The following INPP5D variants were observed in gnomAD, a reference collection of about 807,000 sequenced individuals.
INPP5D encodes phosphatidylinositol 3,4,5-trisphosphate 5-phosphatase 1.
A neutral mutation model predicts 122.9 loss-of-function variants in INPP5D; 33 were observed. The ratio of observed to expected loss-of-function variants is 0.27; its 90% confidence interval spans 0.20 to 0.36. The LOEUF is 0.36. INPP5D is among the 10% of genes least tolerant of loss of function. The probability of loss-of-function intolerance (pLI) is 1.00; values close to 1 mark genes in which losing one functional copy is unlikely to be tolerated. For synonymous variants in INPP5D, 584 were observed against 576.2 expected (o/e 1.01, Z -0.19); for missense variants, 1,053 against 1,412.7 (o/e 0.75, Z 4.08).
intron 2 of INPP5D, among the ~76,000 whole-genome samples, chr2:233,106,840 G>A (rs1692480566): frequency 6.6e-6 from 1 of 152,190 alleles, no homozygotes; most frequent in African/African-American, 2.4e-5. Context: ...CCTGCTGATG[G>A]AGAGCATTGT....
chr2:233,129,208 AT>A lies in INPP5D; in HGVS notation c.525-1294del, dbSNP rs547926870. On this transcript the variant is annotated intron_variant, in intron 4 of 26. Coordinates refer to ENST00000445964, the MANE Select transcript of INPP5D (RefSeq NM_001017915.3). ...AATAAATAAATGAAGGCTTGTAATA[AT>A]TTTTTCCACACAGCTAATTAACATG... Among the ~76,000 whole-genome samples, 235 of 152,212 alleles carry A rather than the reference AT, an allele frequency of 1.5e-3. 1 individual carries two copies. Among genetic ancestry groups the A allele is most frequent in the Non-Finnish European group, 2.7e-3 (184 of 68,020 alleles).
At chr2:233,171,192 C>CTG in intron 17 of INPP5D, 40 bp downstream of exon 17, 1 of 1,607,646 alleles carries the variant, frequency 6.2e-7, no homozygotes, top group Non-Finnish European at 8.5e-7. Context: ...CCCTCCATCT[C>CTG]CTCCCCGCTG....
intron 2 of INPP5D, among the ~76,000 whole-genome samples, chr2:233,107,252 C>G (rs569714898): frequency 7.6e-4 from 116 of 152,234 alleles, no homozygotes; most frequent in African/African-American, 2.6e-3. Context: ...GGCCTGATTC[C>G]ACAAGGAGCT....
rs183700938 is a variant in INPP5D, at chr2:233,125,272, G to C, written c.350-473G>C. On this transcript the variant is annotated intron_variant, in intron 3 of 26. Coordinates refer to ENST00000445964, the MANE Select transcript of INPP5D (RefSeq NM_001017915.3). Reference sequence around the variant, plus strand: ...GGCTGGAGAGAGGGGACCAGGGAGAGAGGGAGAGGGGCAGTGTGGCTAGGC... The same window carrying C: ...GGCTGGAGAGAGGGGACCAGGGAGACAGGGAGAGGGGCAGTGTGGCTAGGC... Among the ~76,000 whole-genome samples, 5 of 152,362 alleles carry C rather than the reference G, an allele frequency of 3.3e-5. No individual in the cohort carries two copies. The East Asian group carries it at 7.7e-4, about 24-fold the overall frequency.
In INPP5D at chr2:233,082,866, T is replaced by C. The variant is rs138700767; in HGVS notation, c.198+3468T>C. 3.2e-3 allele frequency among the ~76,000 whole-genome samples: 486 copies of C among 152,352 alleles called. 6 individuals are homozygous for C. Among genetic ancestry groups the C allele is most frequent in the African/African-American group, 0.011 (451 of 41,578 alleles). On this transcript the variant is annotated intron_variant, in intron 2 of 26. Transcript: ENST00000445964. The surrounding 1 kb of genome is among the most constrained non-coding windows in gnomAD (Gnocchi z 4.7). ...AGCCAGGCCTCCCGGCCTCCCCGGC[T>C]AAGCTTTCTTCCTTCCAATCCAGAA...
chr2:233,163,551 G>A lies in INPP5D; in HGVS notation c.1241-156G>A, dbSNP rs540249336. On this transcript the variant is annotated intron_variant, in intron 11 of 26. Transcript: ENST00000445964. ...AACCGACATCCTGGGTGAGGTTGGC[G>A]CCCAGGCCTCCATTGCAGGCATTTC... Among the ~76,000 whole-genome samples the A allele has an allele frequency of 3.4e-4, 52 of 152,240 alleles. 1 individual carries two copies. The highest frequency in any genetic ancestry group is 1.2e-3 in the African/African-American group (51 of 41,538).
intron 2 of INPP5D, among the ~76,000 whole-genome samples, chr2:233,088,594 G>A (rs1225026306): frequency 6.6e-6 from 1 of 152,224 alleles, no homozygotes; most frequent in African/African-American, 2.4e-5. Context: ...CTTCTCTCCT[G>A]TGGAGATTTT....
At chr2:233,159,830 C>T (rs35349669) in intron 10 of INPP5D, among the ~76,000 whole-genome samples, 53,084 of 152,000 alleles carry the variant, frequency 0.35, 11,522 homozygotes, top group Non-Finnish European at 0.49. Context: ...GTGATAGCTT[C>T]CCACTGAGTG....
intron 17 of INPP5D, among the ~76,000 whole-genome samples, chr2:233,174,904 A>G (rs1397815556): frequency 6.6e-6 from 1 of 152,116 alleles, no homozygotes; most frequent in Admixed American, 6.6e-5. Context: ...TTCAAGAGAA[A>G]TTTGTATATT....
At chr2:233,076,044 C>G (rs958061378) in intron 1 of INPP5D, among the ~76,000 whole-genome samples, 1 of 152,162 alleles carries the variant, frequency 6.6e-6, no homozygotes, top group Non-Finnish European at 1.5e-5. Context: ...AACCAAAAAG[C>G]CTTTCCTGTT....
At chr2:233,182,610 C>A in intron 19 of INPP5D, 111 bp downstream of exon 19, 1 of 1,490,050 alleles carries the variant, frequency 6.7e-7, no homozygotes, top group Middle Eastern at 1.8e-4. Context: ...CTCATTTTCC[C>A]AGGCAAGTCC....
chr2:233,151,564 A>G (rs2106284126), intron 9 of INPP5D, among the ~76,000 whole-genome samples: 1 of 152,068 alleles, frequency 6.6e-6, no homozygotes, highest in African/African-American at 2.4e-5. Context: ...CACACCCTGG[A>G]CTCTGCAGGC....
chr2:233,178,640 G>A (rs905506441), intron 18 of INPP5D, among the ~76,000 whole-genome samples: 8 of 151,934 alleles, frequency 5.3e-5, no homozygotes, highest in East Asian at 3.9e-4. Context: ...GCAGCACCAC[G>A]CCTGGCTAAT....
chr2:233,090,963 A>G (rs1162325820), intron 2 of INPP5D, among the ~76,000 whole-genome samples: 13 of 138,428 alleles, frequency 9.4e-5, no homozygotes, highest in South Asian at 2.2e-4. Flanking sequence ...CGTCTCAAAG[A>G]AAAAAAAAAA....
At chr2:233,069,866 G>A (rs958087031) in intron 1 of INPP5D, among the ~76,000 whole-genome samples, 4 of 152,134 alleles carry the variant, frequency 2.6e-5, no homozygotes, top group Non-Finnish European at 5.9e-5. Flanking sequence ...TTACTAGATC[G>A]AGGGACAGGA....
At chr2:233,101,580 A>G (rs547442842) in intron 2 of INPP5D, among the ~76,000 whole-genome samples, 5 of 146,886 alleles carry the variant, frequency 3.4e-5, no homozygotes, top group Admixed American at 2.7e-4. Context: ...GTCATATAAC[A>G]TTATTAAAAT....
chr2:233,116,248 G>GATAGAT (rs57412586), intron 2 of INPP5D, among the ~76,000 whole-genome samples: 67,183 of 134,928 alleles, frequency 0.5, 19,233 homozygotes, highest in Non-Finnish European at 0.64. Flanking sequence ...TAGATAGATA[G>GATAGAT]ATAGATATAG....
intron 4 of INPP5D, among the ~76,000 whole-genome samples, chr2:233,129,505 GCTCT>G (rs1203569368): frequency 1.3e-5 from 2 of 152,220 alleles, no homozygotes; most frequent in African/African-American, 4.8e-5. Context: ...ACTGGCCTGG[GCTCT>G]CTGCCTGTGC....
Position 233,204,618 on chromosome 2 carries a change from C to T in INPP5D, c.3468C>T (p.Ser1156=), listed in dbSNP as rs751672811. ...KSPAVLHLQH[S]KGRDYRDNTE... ...CGGCGGTGCTGCACCTCCAGCACTC[C>T]AAGGGCCGCGACTACCGCGACAACA... Residue 1156 remains serine, a synonymous_variant, in exon 26 of 27, where the codon TCC becomes TCT. Coordinates refer to ENST00000445964, the MANE Select transcript of INPP5D (RefSeq NM_001017915.3). 1 of 1,577,742 alleles carries T rather than the reference C, an allele frequency of 6.3e-7. No homozygotes were observed. Among genetic ancestry groups the T allele is most frequent in the South Asian group, 1.2e-5 (1 of 86,450 alleles).
Sources: allele counts gnomAD v4.1 joint callset (sites outside exome capture counted in the v4.1 genomes callset), GRCh38; gene constraint gnomAD v4.1.1; non-coding constraint Gnocchi (gnomAD v3.1); transcripts MANE v1.5; gene names NCBI Gene and HGNC (gene_info 2026-07-23, HGNC 2026-07-21).